The following CARHSP1 variants were observed in gnomAD, a reference collection of about 807,000 sequenced individuals.
The protein encoded by CARHSP1 is calcium-regulated heat-stable protein 1.
In CARHSP1, 14 loss-of-function variants were observed where a neutral mutation model predicts 12.5. That is an observed-to-expected ratio of 1.12 (90% CI 0.74 to 1.75). CARHSP1 has a LOEUF of 1.75. Ranked by LOEUF, CARHSP1 falls within the 40% of genes most tolerant of loss-of-function variation. The pLI is 0.00. For missense variants in CARHSP1, 343 were observed against 201.6 expected, an observed-to-expected ratio of 1.70 and a Z score of -4.25; for synonymous variants, 161 against 82.0, an observed-to-expected ratio of 1.96 and a Z score of -5.20.
rs1478394824 is a variant in CARHSP1 at position 8,858,412 on chromosome 16, G to A, written c.219C>T (p.Ser73=). 1.9e-6 allele frequency: 3 copies of A among 1,614,086 alleles called. No homozygotes were observed. Among genetic ancestry groups the A allele is most frequent in the Non-Finnish European group, 2.5e-6 (3 of 1,180,024 alleles). ...YKGVCKCFCR[S]KGHGFITPAD... ...CTGGAGTAATGAAGCCATGGCCCTTGGACCGGCAGAAGCATTTGCAGACTC... is the reference window on the plus strand; with the variant it reads ...CTGGAGTAATGAAGCCATGGCCCTTAGACCGGCAGAAGCATTTGCAGACTC... The change falls in exon 3 of 4, where the codon TCC becomes TCT. Residue 73 remains serine (S), a synonymous_variant. Coordinates refer to ENST00000311052, the MANE Select transcript of CARHSP1 (RefSeq NM_014316.4).
Position 8,854,590 on chromosome 16 carries a change from A to AC in CARHSP1, c.*573_*574insG, listed in dbSNP as rs1304363243. On this transcript the variant is annotated 3_prime_UTR_variant, in exon 4 of 4. Transcript: ENST00000311052. Reference sequence around the variant, plus strand: ...CCAAAAGGCAACATCCGTCCAATCCAAAGACCGCCACCCCCGCCTTTCCCC... The same window carrying AC: ...CCAAAAGGCAACATCCGTCCAATCCACAAGACCGCCACCCCCGCCTTTCCCC... The AC allele has an allele frequency of 1.3e-5, 2 of 152,796 alleles. No individual in the cohort carries two copies. Among genetic ancestry groups the AC allele is most frequent in the African/African-American group, 4.8e-5 (2 of 41,422 alleles). The allele number at this position is 152,796 out of a possible 1,614,324, so 9.5% of individuals were successfully genotyped here.
chr16:8,860,290 A>C (rs2061310783), intron 1 of CARHSP1: 2 of 983,072 alleles, frequency 2.0e-6, no homozygotes, highest in African/African-American at 3.5e-5. Flanking sequence ...GTGAATTTCC[A>C]CACAGCCCGG....
chr16:8,857,938 T>G (rs1412977061), intron 3 of CARHSP1: 2 of 164,756 alleles, frequency 1.2e-5, no homozygotes, highest in South Asian at 1.5e-4. Flanking sequence ...ATTTTTTTTG[T>G]GTTTTTTTAG....
In CARHSP1 at chr16:8,853,003, A is replaced by G. The variant is rs2060986869; in HGVS notation, c.*2161T>C. On this transcript the variant is annotated 3_prime_UTR_variant, in exon 4 of 4. Coordinates refer to ENST00000311052, the MANE Select transcript of CARHSP1 (RefSeq NM_014316.4). ...ATGGCTGATGGGAGGCAAGATCTGG[A>G]TTCAGGAATCCTCAATTTTAGCTCT... The G allele has an allele frequency of 6.6e-6, 1 of 152,200 alleles. No homozygotes were observed. The highest frequency in any genetic ancestry group is 2.1e-4 in the South Asian group (1 of 4,834). 9.4% of individuals were successfully genotyped at this position (152,200 alleles called of 1,614,324 possible).
rs976912021 is a variant in CARHSP1, at chr16:8,859,352, C to T, written c.-7-17G>A. ...ATGGCTGACCTGGAAAGAGAAGAGG[C>T]TGTCAGGGGCTCGTGCCTTGCAAGG... is the stretch of plus-strand genomic sequence containing the variant. On this transcript the variant is annotated splice_polypyrimidine_tract_variant and intron_variant, in intron 1 of 3. Coordinates refer to ENST00000311052, the MANE Select transcript of CARHSP1 (RefSeq NM_014316.4). The T allele has an allele frequency of 4.4e-6, 7 of 1,591,922 alleles. No individual in the cohort carries two copies. The highest frequency in any genetic ancestry group is 1.1e-5 in the South Asian group (1 of 89,246).
At chr16:8,856,195 C>T (rs1018246614) in intron 3 of CARHSP1, among the ~76,000 whole-genome samples, 1 of 152,138 alleles carries the variant, frequency 6.6e-6, no homozygotes, top group Non-Finnish European at 1.5e-5. Flanking sequence ...CAGGAAGGTT[C>T]CCTTACTTTC....
rs1596530214 is a variant in CARHSP1 at position 8,858,156 on chromosome 16, C to T, written c.281+194G>A. The T allele has an allele frequency of 1.1e-5, 7 of 642,720 alleles. No individual in the cohort carries two copies. The East Asian group carries it at 1.9e-4, about 18-fold the overall frequency. 39.8% of individuals were successfully genotyped at this position (642,720 alleles called of 1,614,324 possible). A position where few individuals can be genotyped will look rare whatever the true frequency, so the allele number is the denominator to read the frequency against. ...CAGCCTCACATCCCCCAACACAGCT[C>T]CGTAGAGTCTCACAACCCCAACCCA... On this transcript the variant is annotated intron_variant, in intron 3 of 3. Coordinates refer to ENST00000311052, the MANE Select transcript of CARHSP1 (RefSeq NM_014316.4).
chr16:8,861,572 C>A, intron 1 of CARHSP1: 1 of 1,260,480 alleles, frequency 7.9e-7, no homozygotes, highest in Non-Finnish European at 1.0e-6. Flanking sequence ...CAGAACCCCT[C>A]CCCAGACATT....
intron 1 of CARHSP1, chr16:8,860,404 C>A (rs886641513): frequency 3.0e-6 from 3 of 985,314 alleles, no homozygotes; most frequent in Admixed American, 1.2e-4. Flanking sequence ...GTGCTTTTGA[C>A]AATTTTTCAA....
chr16:8,858,231 C>G (rs1430969385), intron 3 of CARHSP1, 119 bp downstream of exon 3: 4 of 1,223,310 alleles, frequency 3.3e-6, no homozygotes, highest in Non-Finnish European at 4.5e-6. Flanking sequence ...CAGAGTCACA[C>G]AGGCCCAGCC....
intron 3 of CARHSP1, chr16:8,858,144 C>T: frequency 1.6e-6 from 1 of 616,406 alleles, no homozygotes; most frequent in South Asian, 2.0e-5. Flanking sequence ...CCTCACATCC[C>T]CCAACACAGC....
chr16:8,858,086 T>G, intron 3 of CARHSP1: 2 of 489,888 alleles, frequency 4.1e-6, no homozygotes, highest in Non-Finnish European at 3.7e-6. Flanking sequence ...ACACACCCAT[T>G]CACAAAGACA....
intron 1 of CARHSP1, chr16:8,868,457 C>T (rs2061483435): frequency 6.6e-6 from 1 of 151,424 alleles, no homozygotes; most frequent in East Asian, 2.0e-4. Flanking sequence ...GGCTCCTCCT[C>T]CCCCAGATGC....
At chr16:8,858,547 A>G (rs1027034811) in intron 2 of CARHSP1, 75 bp from the exon 3 acceptor site, 106 of 1,564,452 alleles carry the variant, frequency 6.8e-5, no homozygotes, top group Non-Finnish European at 8.6e-5. Flanking sequence ...GCCCCTGCCC[A>G]CAGCTGTGCC....
At chr16:8,856,624 CG>C (rs2061120117) in intron 3 of CARHSP1, among the ~76,000 whole-genome samples, 1 of 105,356 alleles carries the variant, frequency 9.5e-6, no homozygotes, top group Admixed American at 9.5e-5. Flanking sequence ...AAGCATGGGG[CG>C]GGGGTGGGCA....
chr16:8,862,395 T>C lies in CARHSP1; in HGVS notation c.-7-3060A>G, dbSNP rs190519674. On this transcript the variant is annotated intron_variant, in intron 1 of 3. Coordinates refer to ENST00000311052, the MANE Select transcript of CARHSP1 (RefSeq NM_014316.4). ...TAATTGTCAGCTACGACTGTTGTTA[T>C]AATTGTCATCATAAAGGCACTCAAC... is the stretch of plus-strand genomic sequence containing the variant. Among the ~76,000 whole-genome samples, 27 of 152,274 alleles carry C rather than the reference T, an allele frequency of 1.8e-4. No homozygotes were observed. The East Asian group carries it at 4.2e-3, about 24-fold the overall frequency.
intron 3 of CARHSP1, 56 bp from the exon 4 acceptor site, chr16:8,855,382 C>G: frequency 7.2e-7 from 1 of 1,388,550 alleles, no homozygotes; most frequent in Non-Finnish European, 9.5e-7. Flanking sequence ...GCTCCCTTCC[C>G]CAAGACACCA....
At chr16:8,863,440 G>C (rs1259077097) in intron 1 of CARHSP1, among the ~76,000 whole-genome samples, 2 of 152,220 alleles carry the variant, frequency 1.3e-5, no homozygotes. Context: ...GCCAGCATTA[G>C]GACCCAAAGC....
At chr16:8,858,967 G>C (rs1206978828) in intron 2 of CARHSP1, 7 of 493,462 alleles carry the variant, frequency 1.4e-5, no homozygotes, top group African/African-American at 7.7e-5. Flanking sequence ...CTCCCAGCTG[G>C]TAACAGGTTC....
Sources: gnomAD v4.1 joint callset for allele counts (sites outside exome capture counted in the v4.1 genomes callset) on GRCh38, gnomAD v4.1.1 for gene constraint, MANE v1.5 for transcripts, NCBI Gene and HGNC (gene_info 2026-07-23, HGNC 2026-07-21) for gene names.